Variants in AGBL4 observed in about 807,000 individuals in gnomAD.
AGBL4 encodes the protein cytosolic carboxypeptidase 6.
In AGBL4, 58 loss-of-function variants were observed where a neutral mutation model predicts 66.4. The ratio of observed to expected loss-of-function variants is 0.87; its 90% CI spans 0.71 to 1.09. The LOEUF (loss-of-function observed/expected upper bound fraction) is 1.09. AGBL4 is among the 50% of genes least tolerant of loss of function. The probability of loss-of-function intolerance (pLI) is 0.00; values close to 1 mark genes in which losing one functional copy is unlikely to be tolerated. For synonymous variants in AGBL4, 234 were observed against 222.9 expected, an observed-to-expected ratio of 1.05 and a Z score of -0.44; for missense variants, 579 against 631.0, an observed-to-expected ratio of 0.92 and a Z score of 0.88.
intron 1 of AGBL4, among the ~76,000 whole-genome samples, chr1:49,884,122 T>G (rs758758073): frequency 2.0e-5 from 3 of 151,982 alleles, no homozygotes; most frequent in Admixed American, 2.0e-4. Context: ...TCTTTACTCT[T>G]CTTTTAAAAT....
chr1:49,064,848 G>A (rs538818012), intron 4 of AGBL4, among the ~76,000 whole-genome samples: 4 of 152,048 alleles, frequency 2.6e-5, no homozygotes, highest in Admixed American at 6.5e-5. Context: ...TATATTAAAC[G>A]CATAGCAAAA....
chr1:49,291,790 G>C (rs1399444299), intron 3 of AGBL4, among the ~76,000 whole-genome samples: 1 of 152,148 alleles, frequency 6.6e-6, no homozygotes, highest in Non-Finnish European at 1.5e-5. Flanking sequence ...GGCATGGCTG[G>C]GGCTGCACAT....
chr1:48,587,792 A>C (rs1421355981), intron 10 of AGBL4, among the ~76,000 whole-genome samples: 1 of 150,854 alleles, frequency 6.6e-6, no homozygotes, highest in East Asian at 2.0e-4. Context: ...ACAGGTGCCC[A>C]CCACCACGAC....
chr1:48,546,215 A>T (rs1644156161), intron 11 of AGBL4, among the ~76,000 whole-genome samples: 1 of 152,254 alleles, frequency 6.6e-6, no homozygotes, highest in African/African-American at 2.4e-5. Context: ...GAAATTGAAA[A>T]TCAGAGAGTT....
intron 3 of AGBL4, among the ~76,000 whole-genome samples, chr1:49,259,567 T>A (rs1484196181): frequency 7.1e-6 from 1 of 140,310 alleles, no homozygotes; most frequent in African/African-American, 2.6e-5. Context: ...AGAAGGCCAT[T>A]ACATAATGGT....
chr1:48,565,486 TTA>T (rs1303524447), intron 11 of AGBL4, among the ~76,000 whole-genome samples: 1 of 152,174 alleles, frequency 6.6e-6, no homozygotes, highest in Non-Finnish European at 1.5e-5. Flanking sequence ...TGGTAAGGCA[TTA>T]TAGTCTTCAA....
intron 2 of AGBL4, among the ~76,000 whole-genome samples, chr1:49,778,106 T>C (rs981587490): frequency 1.3e-5 from 2 of 152,250 alleles, no homozygotes; most frequent in Non-Finnish European, 1.5e-5. Flanking sequence ...TCTGAGATAA[T>C]TGGGCTCCCA....
chr1:48,628,739 A>G (rs940196581), intron 9 of AGBL4, among the ~76,000 whole-genome samples: 5 of 151,642 alleles, frequency 3.3e-5, no homozygotes, highest in Non-Finnish European at 5.9e-5. Flanking sequence ...CTTCTCTCCA[A>G]AGCTCAGCCA....
At chr1:49,372,265 G>C (rs1025526586) in intron 3 of AGBL4, among the ~76,000 whole-genome samples, 1 of 152,134 alleles carries the variant, frequency 6.6e-6, no homozygotes, top group Non-Finnish European at 1.5e-5. Flanking sequence ...GAGCATAAAA[G>C]AGTCTATATA....
chr1:48,727,563 C>T (rs1647371196), intron 6 of AGBL4: 1 of 177,362 alleles, frequency 5.6e-6, no homozygotes, highest in South Asian at 1.8e-4. Flanking sequence ...CAAAATAGAG[C>T]AACAAAGAAG....
intron 9 of AGBL4, among the ~76,000 whole-genome samples, chr1:48,600,061 G>C (rs750759199): frequency 1.9e-4 from 29 of 152,106 alleles, no homozygotes; most frequent in Admixed American, 3.3e-4. Context: ...GTGGTTTTAT[G>C]AAAACCATGA....
In AGBL4 at chr1:49,302,887, T is replaced by C. The variant is rs192297726; in HGVS notation, c.283-57023A>G. ...TGTCTATGTGTTCTCATTGTTCAGCTCTCACTTATAAGTGAGAACATGTAG... is the reference window on the plus strand; with the variant it reads ...TGTCTATGTGTTCTCATTGTTCAGCCCTCACTTATAAGTGAGAACATGTAG... On this transcript the variant is annotated intron_variant, in intron 3 of 13. Transcript: ENST00000371839. Among the ~76,000 whole-genome samples the C allele has an allele frequency of 4.2e-4, 64 of 152,100 alleles. 2 individuals carry two copies. The East Asian group carries it at 9.7e-3, about 23-fold the overall frequency.
At chr1:49,330,911 T>C (rs1379884623) in intron 3 of AGBL4, among the ~76,000 whole-genome samples, 1 of 151,912 alleles carries the variant, frequency 6.6e-6, no homozygotes, top group East Asian at 1.9e-4. Flanking sequence ...ACTTGACCCA[T>C]GGAGAACAGA....
intron 5 of AGBL4, among the ~76,000 whole-genome samples, chr1:48,989,183 C>T (rs917473218): frequency 3.3e-5 from 5 of 151,962 alleles, no homozygotes; most frequent in African/African-American, 4.8e-5. Flanking sequence ...TCTAAATGTA[C>T]GGGTGTGTTC....
chr1:49,382,299 C>G (rs1644634760), intron 3 of AGBL4, among the ~76,000 whole-genome samples: 1 of 151,946 alleles, frequency 6.6e-6, no homozygotes, highest in Non-Finnish European at 1.5e-5. Flanking sequence ...TCATTGTTTA[C>G]CAAATGCACA....
chr1:49,552,004 G>A (rs1571011489), intron 3 of AGBL4, among the ~76,000 whole-genome samples: 1 of 152,134 alleles, frequency 6.6e-6, no homozygotes, highest in Admixed American at 6.5e-5. Flanking sequence ...AGGTTCCCAG[G>A]TCGATGGAGT....
At chr1:49,204,191 C>A (rs1003048733) in intron 4 of AGBL4, among the ~76,000 whole-genome samples, 2 of 152,132 alleles carry the variant, frequency 1.3e-5, no homozygotes, top group African/African-American at 4.8e-5. Flanking sequence ...ATCTAAAGAA[C>A]CAAATCTTGG....
At chr1:48,896,703 C>T (rs1427927691) in intron 5 of AGBL4, among the ~76,000 whole-genome samples, 2 of 151,990 alleles carry the variant, frequency 1.3e-5, no homozygotes, top group African/African-American at 4.8e-5. Context: ...CCTCAGGCTG[C>T]CAGCATGAAA....
At chr1:49,962,777 G>A (rs1657222082) in intron 1 of AGBL4, among the ~76,000 whole-genome samples, 1 of 152,114 alleles carries the variant, frequency 6.6e-6, no homozygotes, top group Non-Finnish European at 1.5e-5. Flanking sequence ...ATGAATATTT[G>A]TGAGCCACTT....
Sources: allele counts gnomAD v4.1 joint callset (sites outside exome capture counted in the v4.1 genomes callset), GRCh38; gene constraint gnomAD v4.1.1; transcripts MANE v1.5; gene names NCBI Gene and HGNC (gene_info 2026-07-23, HGNC 2026-07-21).